SYTL2: variants seen among roughly 807,000 people sequenced by gnomAD.
SYTL2 encodes the protein synaptotagmin-like protein 2.
A neutral mutation model predicts 198.7 loss-of-function variants in SYTL2; 165 were observed. The ratio of observed to expected loss-of-function variants is 0.83; its 90% CI spans 0.73 to 0.94. SYTL2 has a LOEUF of 0.94. Ranked by LOEUF, SYTL2 falls within the 40% of genes least tolerant of loss-of-function variation. The pLI is 0.00. For synonymous variants in SYTL2, 966 were observed against 917.7 expected, an observed-to-expected ratio of 1.05 and a Z score of -0.95; for missense variants, 2,835 against 2,582.8, an observed-to-expected ratio of 1.10 and a Z score of -2.12.
chr11:85,820,860 A>C, the SYTL2 span, among the ~76,000 whole-genome samples: 1 of 152,226 alleles, frequency 6.6e-6, no homozygotes, highest in Non-Finnish European at 1.5e-5. Flanking sequence ...TTATATCTCA[A>C]TTTTTAAAGT....
At chr11:85,696,145 T>C (rs1287712147) in intron 19 of SYTL2, 38 bp downstream of exon 19, 2 of 1,579,302 alleles carry the variant, frequency 1.3e-6, no homozygotes, top group Non-Finnish European at 1.7e-6. Flanking sequence ...TCTAGAAAAA[T>C]TTGGCTCATG....
At chr11:85,711,078 G>A (rs765892007) in intron 13 of SYTL2, 35 bp downstream of exon 13, 37 of 1,609,776 alleles carry the variant, frequency 2.3e-5, no homozygotes, top group Admixed American at 5.0e-5. Context: ...TCAGAGACGC[G>A]GAGAGATATT....
intron 1 of SYTL2, among the ~76,000 whole-genome samples, chr11:85,807,343 A>G (rs906299627): frequency 3.3e-5 from 5 of 152,256 alleles, no homozygotes; most frequent in Non-Finnish European, 5.9e-5. Context: ...CAAGAGTTGG[A>G]TTCCAGGATT....
In SYTL2 at chr11:85,734,674, T is replaced by A; in HGVS notation, c.655A>T (p.Lys219Ter). 1 of 1,614,198 alleles carries A rather than the reference T, an allele frequency of 6.2e-7. No individual in the cohort carries two copies. The highest frequency in any genetic ancestry group is 8.5e-7 in the Non-Finnish European group (1 of 1,180,018). ...TTTGAAAGGCCTGGCAAAGTCTGCT[T>A]TGATTTCTCTAACTTTTGGATTGAA... ...DTSIQKLEKS[K>*]QTLPGLSNGS... is the part of the protein sequence containing the mutation. Residue 219 changes from lysine (K) to a stop codon, truncating the protein, a stop_gained, in exon 7 of 20, where the codon AAG becomes TAG. Coordinates refer to ENST00000359152, the MANE Select transcript of SYTL2 (RefSeq NM_206927.4). LOFTEE classifies it high-confidence loss of function.
At position 85,725,873 on chromosome 11, in the gene SYTL2, T is replaced by C. The variant is rs771088338; in HGVS notation, c.3485A>G (p.Glu1162Gly). Reference protein sequence around the residue: ...GGKVHGKQVLEPSVSENRTWP... With the variant: ...GGKVHGKQVLGPSVSENRTWP... ...TGTCCTATTTTCAGAAACACTTGGT[T>C]CAAGCACTTGTTTTCCATGAACTTT... is the stretch of plus-strand genomic sequence containing the variant. The change falls in exon 8 of 20, where the codon GAA becomes GGA. Residue 1162 changes from glutamate to glycine, a missense_variant. By Grantham distance (98) the Glu-to-Gly change is moderately conservative (BLOSUM62 -2). Coordinates refer to ENST00000359152, the MANE Select transcript of SYTL2 (RefSeq NM_206927.4). 1 of 1,613,888 alleles carries C rather than the reference T, an allele frequency of 6.2e-7. No homozygotes were observed. Among genetic ancestry groups the C allele is most frequent in the South Asian group, 1.1e-5 (1 of 90,952 alleles).
In SYTL2 at chr11:85,701,255, C is replaced by T. The variant is rs146516671; in HGVS notation, c.6190-662G>A. On this transcript the variant is annotated intron_variant, in intron 16 of 19. Transcript: ENST00000359152. ...GTAATGAGATATCTTAGGGATGGGA[C>T]CCAAGTCTAAACACAAAATTCATTT... Among the ~76,000 whole-genome samples, 107 of 152,192 alleles carry T rather than the reference C, an allele frequency of 7.0e-4. 1 individual carries two copies. The highest frequency in any genetic ancestry group is 2.3e-3 in the African/African-American group (96 of 41,510).
intron 4 of SYTL2, among the ~76,000 whole-genome samples, chr11:85,738,124 C>T (rs2090500436): frequency 6.6e-6 from 1 of 152,122 alleles, no homozygotes; most frequent in South Asian, 2.1e-4. Context: ...AAGATTCCTG[C>T]TTTTCCCCAT....
chr11:85,812,012 C>G (rs1353383573), upstream of SYTL2, among the ~76,000 whole-genome samples: 1 of 152,168 alleles, frequency 6.6e-6, no homozygotes, highest in African/African-American at 2.4e-5. Context: ...GAAGCTGAGG[C>G]AGGAGAATCG....
At chr11:85,697,226 G>A (rs1392229203) in intron 18 of SYTL2, among the ~76,000 whole-genome samples, 1 of 152,144 alleles carries the variant, frequency 6.6e-6, no homozygotes, top group African/African-American at 2.4e-5. Context: ...ATTTAATAGA[G>A]AAGGGGTTTG....
chr11:85,773,834 A>G (rs764397730), intron 1 of SYTL2, among the ~76,000 whole-genome samples: 1 of 152,242 alleles, frequency 6.6e-6, no homozygotes, highest in Non-Finnish European at 1.5e-5. Context: ...ATTCAGATTT[A>G]TAATGTAATC....
intron 1 of SYTL2, among the ~76,000 whole-genome samples, chr11:85,789,297 T>TA (rs2092685107): frequency 7.9e-6 from 1 of 126,520 alleles, no homozygotes; most frequent in African/African-American, 3.3e-5. Flanking sequence ...ATATATATAT[T>TA]TATTTATTTA....
At chr11:85,819,820 G>T in the SYTL2 span, among the ~76,000 whole-genome samples, 4 of 152,054 alleles carry the variant, frequency 2.6e-5, 1 homozygote, top group African/African-American at 9.7e-5. Flanking sequence ...CATGCTTTGT[G>T]CATTCTTGTA....
chr11:85,727,569 C>A lies in SYTL2; in HGVS notation c.1789G>T (p.Asp597Tyr), dbSNP rs2153471260. 4 of 1,536,072 alleles carry A rather than the reference C, an allele frequency of 2.6e-6. No individual in the cohort carries two copies. Among genetic ancestry groups the A allele is most frequent in the Non-Finnish European group, 3.5e-6 (4 of 1,146,892 alleles). ...RSDSPFQAEG[D>Y]MLVSESCQDN... ...TGGCAACTTTCAGAAACCAGCATAT[C>A]TCCCTCTGCTTGGAATGGTGAGTCA... The change falls in exon 8 of 20, where the codon GAT (aspartate) becomes TAT (tyrosine). Residue 597 changes from aspartate (D) to tyrosine (Y), a missense_variant. Physicochemically the swap from Asp to Tyr is radical, Grantham distance 160. Around this residue, in one of 3 missense-constraint regions of SYTL2, gnomAD observed 2,645 missense variants for 2,381.7 expected, o/e 1.11. Coordinates refer to ENST00000359152, the MANE Select transcript of SYTL2 (RefSeq NM_206927.4).
Position 85,697,996 on chromosome 11 carries a change from T to C in SYTL2, c.6351A>G (p.Leu2117=). ...LDLPLLRGSH[L]NSFVKCTILP... The stretch of plus-strand genomic sequence containing the variant: ...ACTATTACCATTTAACAAAAGAATT[T>C]AGATGACTTCCCCTTAGCAGTGGTA... Residue 2117 remains leucine (L), a synonymous_variant, in exon 18 of 20, where the codon CTA becomes CTG. Coordinates refer to ENST00000359152, the MANE Select transcript of SYTL2 (RefSeq NM_206927.4). 6.2e-7 allele frequency: 1 copy of C among 1,612,328 alleles called. No individual in the cohort carries two copies. Among genetic ancestry groups the C allele is most frequent in the Non-Finnish European group, 8.5e-7 (1 of 1,178,422 alleles).
At chr11:85,708,300 T>A in intron 14 of SYTL2, 1 of 262,530 alleles carries the variant, frequency 3.8e-6, no homozygotes, top group Non-Finnish European at 7.6e-6. Context: ...AAATTAATCT[T>A]AGTAAATACC....
chr11:85,812,058 G>T (rs1208942757), upstream of SYTL2, among the ~76,000 whole-genome samples: 2 of 152,188 alleles, frequency 1.3e-5, no homozygotes, highest in Non-Finnish European at 2.9e-5. Context: ...CGTGAGCCAA[G>T]ATCGCACCAC....
At chr11:85,814,955 T>A (rs576342153), upstream of SYTL2, among the ~76,000 whole-genome samples, 1 of 152,294 alleles carries the variant, frequency 6.6e-6, no homozygotes, top group Admixed American at 6.5e-5. Flanking sequence ...TTGGCATCGA[T>A]TTCATCCTGT....
chr11:85,712,941 C>T (rs1269060972), intron 12 of SYTL2, among the ~76,000 whole-genome samples: 1 of 152,098 alleles, frequency 6.6e-6, no homozygotes, highest in African/African-American at 2.4e-5. Flanking sequence ...TGGTCTCAAA[C>T]TCCTGGGCCT....
At chr11:85,811,177 C>T (rs1436264509), upstream of SYTL2, 3 of 152,178 alleles carry the variant, frequency 2.0e-5, no homozygotes, top group Admixed American at 6.5e-5. Context: ...TCCCTCCCCG[C>T]TACCCCCGCC....
Sources: allele counts gnomAD v4.1 joint callset (sites outside exome capture counted in the v4.1 genomes callset), GRCh38; gene constraint gnomAD v4.1.1; regional missense constraint gnomAD v4.1.1; transcripts MANE v1.5; gene names NCBI Gene and HGNC (gene_info 2026-07-23, HGNC 2026-07-21).